Variants in NCOA1 observed in about 807,000 individuals in gnomAD.
NCOA1 encodes the protein Hin-2 protein.
Under a neutral mutation model 150.9 loss-of-function variants are expected in NCOA1, and 35 were observed. The ratio of observed to expected loss-of-function variants is 0.23; its 90% CI spans 0.18 to 0.31. NCOA1 has a LOEUF of 0.31. Among genes scored for constraint, NCOA1 ranks in the 10% least tolerant of loss-of-function variants. NCOA1 has a pLI of 1.00. For missense variants in NCOA1, 1,491 were observed against 1,749.3 expected (o/e 0.85, Z 2.63); for synonymous variants, 590 against 630.0 (o/e 0.94, Z 0.95).
intron 3 of NCOA1, among the ~76,000 whole-genome samples, chr2:24,614,668 C>T (rs1241016781): frequency 1.3e-5 from 2 of 152,160 alleles, no homozygotes; most frequent in Non-Finnish European, 2.9e-5. Flanking sequence ...ACCACACCTA[C>T]ATGTCAGAAT....
At chr2:24,531,486 C>T (rs550984070) in intron 1 of NCOA1, among the ~76,000 whole-genome samples, 13 of 152,152 alleles carry the variant, frequency 8.5e-5, no homozygotes, top group Non-Finnish European at 1.6e-4. Flanking sequence ...TTGTAGGGTA[C>T]ATGTGCACAT....
chr2:24,619,585 C>T (rs770300053), intron 3 of NCOA1, among the ~76,000 whole-genome samples: 14 of 152,120 alleles, frequency 9.2e-5, no homozygotes, highest in Non-Finnish European at 1.6e-4. Flanking sequence ...TCATTATGAC[C>T]TTGAGTTAAC....
At chr2:24,670,615 C>A (rs1196375930) in intron 6 of NCOA1, among the ~76,000 whole-genome samples, 1 of 151,930 alleles carries the variant, frequency 6.6e-6, no homozygotes, top group Non-Finnish European at 1.5e-5. Flanking sequence ...AGGAAATGTC[C>A]AAAAAAGGCA....
chr2:24,666,042 C>T (rs547387233), intron 6 of NCOA1, 127 bp downstream of exon 6: 15 of 523,452 alleles, frequency 2.9e-5, no homozygotes, highest in Middle Eastern at 9.0e-4. Flanking sequence ...GATGAAGTCC[C>T]GCTCTGTCGC....
intron 1 of NCOA1, among the ~76,000 whole-genome samples, chr2:24,539,528 A>G (rs576434808): frequency 5.3e-5 from 8 of 152,318 alleles, no homozygotes; most frequent in African/African-American, 1.9e-4. Flanking sequence ...GAGTCTGTCT[A>G]TAGGAAATCA....
chr2:24,728,446 C>T lies in NCOA1; in HGVS notation c.2856C>T (p.Asp952=), dbSNP rs568650465. 11 of 1,613,734 alleles carry T rather than the reference C, an allele frequency of 6.8e-6. No homozygotes were observed. In the East Asian group the frequency reaches 2.5e-4, roughly 36 times the overall value. Reference sequence around the variant, plus strand: ...ATGAAACTGAGCTAGCTGAACTAGACAGAGCTCTGGGAATTGACAAACTTG... The same window carrying T: ...ATGAAACTGAGCTAGCTGAACTAGATAGAGCTCTGGGAATTGACAAACTTG... The part of the protein sequence containing the change: ...GKDETELAEL[D]RALGIDKLVQ... The change falls in exon 16 of 23, where the codon GAC becomes GAT. Residue 952 remains aspartate (D), a synonymous_variant. Coordinates refer to ENST00000348332, the MANE Select transcript of NCOA1 (RefSeq NM_003743.5).
intron 1 of NCOA1, among the ~76,000 whole-genome samples, chr2:24,540,966 T>G (rs1665368162): frequency 1.3e-5 from 2 of 152,174 alleles, no homozygotes; most frequent in South Asian, 2.1e-4. Context: ...TGGTAGCAAA[T>G]GCAACAGTAA....
chr2:24,534,228 T>C (rs1468613139), intron 1 of NCOA1, among the ~76,000 whole-genome samples: 1 of 151,116 alleles, frequency 6.6e-6, no homozygotes, highest in Non-Finnish European at 1.5e-5. Flanking sequence ...AGTTTATTTG[T>C]GTAGAGGTGT....
intron 3 of NCOA1, among the ~76,000 whole-genome samples, chr2:24,637,018 A>AT (rs1457342756): frequency 6.6e-6 from 1 of 151,998 alleles, no homozygotes; most frequent in East Asian, 1.9e-4. Context: ...ATAATTATTA[A>AT]TAGCGTATCC....
intron 14 of NCOA1, among the ~76,000 whole-genome samples, chr2:24,715,410 A>C (rs571478302): frequency 3.0e-4 from 45 of 152,324 alleles, no homozygotes; most frequent in Non-Finnish European, 5.4e-4. Context: ...TTTCTACAAA[A>C]TAGTATAATA....
At chr2:24,604,335 C>T (rs568064176) in intron 3 of NCOA1, among the ~76,000 whole-genome samples, 5 of 152,292 alleles carry the variant, frequency 3.3e-5, no homozygotes, top group South Asian at 2.1e-4. Context: ...TTGAGTTAGC[C>T]TGTCCTCTGA....
intron 13 of NCOA1, among the ~76,000 whole-genome samples, chr2:24,710,069 T>TTTTTATTTTATTTTA (rs200816186): frequency 2.0e-5 from 3 of 151,440 alleles, no homozygotes; most frequent in African/African-American, 7.3e-5. Flanking sequence ...TATTTATTCT[T>TTTTTATTTTATTTTA]TTTTATTTTA....
At chr2:24,613,187 T>G (rs962696770) in intron 3 of NCOA1, among the ~76,000 whole-genome samples, 3 of 152,186 alleles carry the variant, frequency 2.0e-5, no homozygotes, top group African/African-American at 4.8e-5. Context: ...TATGTACTTC[T>G]TTGGGCAGAT....
chr2:24,537,889 A>G (rs1665232445), intron 1 of NCOA1, among the ~76,000 whole-genome samples: 1 of 152,182 alleles, frequency 6.6e-6, no homozygotes, highest in African/African-American at 2.4e-5. Context: ...AACATAGTGG[A>G]AATTCTGTTT....
At position 24,706,869 on chromosome 2, in the gene NCOA1, C is replaced by T. The variant is rs777712654; in HGVS notation, c.1399C>T (p.Pro467Ser). ...QGQASSQSSN[P>S]SLNLNNSPME... ...ACAGGCCAGTTCACAGAGCAGTAAT[C>T]CCTCTTTAAACCTCAATAATTCTCC... The change falls in exon 13 of 23, where the codon CCC becomes TCC. Residue 467 changes from proline (P) to serine (S), a missense_variant. Transcript: ENST00000348332. 5.0e-6 allele frequency: 8 copies of T among 1,614,038 alleles called. No individual in the cohort carries two copies. The highest frequency in any genetic ancestry group is 6.8e-6 in the Non-Finnish European group (8 of 1,180,026).
At chr2:24,685,011 C>G (rs1672338044) in intron 8 of NCOA1, among the ~76,000 whole-genome samples, 1 of 151,938 alleles carries the variant, frequency 6.6e-6, no homozygotes, top group Admixed American at 6.6e-5. Flanking sequence ...ATGTGTAATT[C>G]ATTATCAACC....
At chr2:24,593,471 G>C (rs2148339435) in intron 3 of NCOA1, among the ~76,000 whole-genome samples, 1 of 152,200 alleles carries the variant, frequency 6.6e-6, no homozygotes. Flanking sequence ...CCTGTGAAAG[G>C]AAACTCCAAA....
intron 1 of NCOA1, among the ~76,000 whole-genome samples, chr2:24,534,708 C>T (rs1352804296): frequency 6.6e-6 from 1 of 152,066 alleles, no homozygotes; most frequent in African/African-American, 2.4e-5. Context: ...CGTTATTTAC[C>T]CAGTAGTCAT....
At chr2:24,723,812 C>A (rs1466003399) in intron 14 of NCOA1, among the ~76,000 whole-genome samples, 1 of 151,782 alleles carries the variant, frequency 6.6e-6, no homozygotes, top group East Asian at 1.9e-4. Context: ...AAAAATAAAA[C>A]ACTGTAACTG....
Sources: gnomAD v4.1 joint callset for allele counts (sites outside exome capture counted in the v4.1 genomes callset) on GRCh38, gnomAD v4.1.1 for gene constraint, MANE v1.5 for transcripts, NCBI Gene and HGNC (gene_info 2026-07-23, HGNC 2026-07-21) for gene names.